PPP1R13B: variants seen among roughly 807,000 people sequenced by gnomAD.
The protein encoded by PPP1R13B is apoptosis-stimulating of p53 protein 1.
Under a neutral mutation model 119.8 loss-of-function variants are expected in PPP1R13B, and 44 were observed. The observed-to-expected ratio is 0.37, with a 90% CI of 0.29 to 0.47. The LOEUF is 0.47. Ranked by LOEUF, PPP1R13B falls within the 20% of genes least tolerant of loss-of-function variation. The pLI, the probability that PPP1R13B is intolerant of heterozygous loss-of-function variation, is 0.99. For synonymous variants in PPP1R13B, 542 were observed against 561.5 expected, an observed-to-expected ratio of 0.97 and a Z score of 0.49; for missense variants, 1,227 against 1,413.5, an observed-to-expected ratio of 0.87 and a Z score of 2.12.
intron 4 of PPP1R13B, among the ~76,000 whole-genome samples, chr14:103,775,238 ATTCT>A (rs909049400): frequency 2.6e-5 from 4 of 151,580 alleles, no homozygotes; most frequent in African/African-American, 9.7e-5. Flanking sequence ...GGTCATGGTA[ATTCT>A]TTCTTCCTTT....
At chr14:103,748,066 TACACACACACAC>T (rs58398068) in intron 8 of PPP1R13B, among the ~76,000 whole-genome samples, 5,318 of 138,206 alleles carry the variant, frequency 0.038, 197 homozygotes, top group African/African-American at 0.098. Context: ...TTAAATCACA[TACACACACACAC>T]ACACACACAC....
At position 103,738,569 on chromosome 14, in the gene PPP1R13B, C is replaced by T. The variant is rs2084170213; in HGVS notation, c.2864+110G>A. 6.7e-7 allele frequency: 1 copy of T among 1,494,774 alleles called. No individual in the cohort carries two copies. Among genetic ancestry groups the T allele is most frequent in the African/African-American group, 1.4e-5 (1 of 72,244 alleles). 92.6% of individuals were successfully genotyped at this position (1,494,774 alleles called of 1,614,324 possible). A position where few individuals can be genotyped will look rare whatever the true frequency, so the allele number is the denominator to read the frequency against. On this transcript the variant is annotated intron_variant, in intron 14 of 16. Transcript: ENST00000202556. This position sits in a 1 kb window ranked among gnomAD's most constrained non-coding sequence, Gnocchi z 5.6. ...TTTCAAGGATGAAATGATGGGTGTT[C>T]TTGCTCTAATTCTCTCTTCCGTGCT... is the stretch of plus-strand genomic sequence containing the variant.
chr14:103,797,001 C>A, intron 2 of PPP1R13B, among the ~76,000 whole-genome samples: 2 of 138,798 alleles, frequency 1.4e-5, no homozygotes, highest in East Asian at 2.2e-4. Context: ...CATGAAAGTT[C>A]ATAGGAGCAT....
intron 2 of PPP1R13B, among the ~76,000 whole-genome samples, chr14:103,793,235 A>G (rs1298723396): frequency 1.3e-5 from 2 of 152,068 alleles, no homozygotes; most frequent in Non-Finnish European, 1.5e-5. Context: ...AGGAAAAAAC[A>G]CTACTGATCT....
At chr14:103,800,660 C>CA (rs61170869) in intron 1 of PPP1R13B, among the ~76,000 whole-genome samples, 43,755 of 150,144 alleles carry the variant, frequency 0.29, 6,816 homozygotes, top group Non-Finnish European at 0.34. Flanking sequence ...CTCAAAAAAA[C>CA]AAAAAAAACA....
chr14:103,800,527 G>A (rs889687735), intron 1 of PPP1R13B, among the ~76,000 whole-genome samples: 10 of 151,154 alleles, frequency 6.6e-5, no homozygotes, highest in Non-Finnish European at 1.0e-4. Context: ...GGTGGCCCGC[G>A]CCTCTAGTCC....
At chr14:103,800,707 C>T (rs1457443358) in intron 1 of PPP1R13B, among the ~76,000 whole-genome samples, 1 of 151,850 alleles carries the variant, frequency 6.6e-6, no homozygotes, top group Non-Finnish European at 1.5e-5. Context: ...CTTACAAGTG[C>T]CCTAAATTCC....
intron 1 of PPP1R13B, among the ~76,000 whole-genome samples, chr14:103,839,464 C>T (rs928428208): frequency 6.6e-6 from 1 of 151,856 alleles, no homozygotes; most frequent in Non-Finnish European, 1.5e-5. Flanking sequence ...CCCATCTCCA[C>T]TAAAAATACA....
intron 4 of PPP1R13B, among the ~76,000 whole-genome samples, chr14:103,775,565 G>A (rs560064408): frequency 7.2e-5 from 11 of 152,130 alleles, no homozygotes; most frequent in African/African-American, 1.9e-4. Flanking sequence ...GCTAGCCACC[G>A]CGCCCGTCCC....
intron 4 of PPP1R13B, among the ~76,000 whole-genome samples, chr14:103,758,302 T>C (rs2084725228): frequency 6.6e-6 from 1 of 152,234 alleles, no homozygotes; most frequent in African/African-American, 2.4e-5. Flanking sequence ...ATGAATGCAG[T>C]TGGCTGTTTC....
At position 103,773,865 on chromosome 14, in the gene PPP1R13B, T is replaced by C. The variant is rs2152008206; in HGVS notation, c.354+4880A>G. The stretch of plus-strand genomic sequence containing the variant: ...CCTCTCCTGGCATAAGTCTAAAAGT[T>C]TTTCTCTAGACAGTTGAAATGTTAT... On this transcript the variant is annotated intron_variant, in intron 4 of 16. Coordinates refer to ENST00000202556, the MANE Select transcript of PPP1R13B (RefSeq NM_015316.3). Among the ~76,000 whole-genome samples, 3 of 152,296 alleles carry C rather than the reference T, an allele frequency of 2.0e-5. No homozygotes were observed. In the East Asian group the frequency reaches 5.8e-4, roughly 29 times the overall value.
intron 8 of PPP1R13B, chr14:103,747,130 CTG>C (rs1319709542): frequency 6.6e-6 from 1 of 152,360 alleles, no homozygotes; most frequent in Non-Finnish European, 1.5e-5. Flanking sequence ...ACAGAGGACA[CTG>C]TTCACATAAC....
At chr14:103,827,042 A>G (rs967203508) in intron 1 of PPP1R13B, among the ~76,000 whole-genome samples, 5 of 149,960 alleles carry the variant, frequency 3.3e-5, no homozygotes, top group Non-Finnish European at 7.4e-5. Flanking sequence ...AAGTAGATTA[A>G]GGCTGGGCAC....
rs1195285562 is a variant in PPP1R13B, at chr14:103,738,212, A to G, written c.2865-352T>C. Among the ~76,000 whole-genome samples, 1 of 152,226 alleles carries G rather than the reference A, an allele frequency of 6.6e-6. No homozygotes were observed. Among genetic ancestry groups the G allele is most frequent in the Non-Finnish European group, 1.5e-5 (1 of 68,042 alleles). On this transcript the variant is annotated intron_variant, in intron 14 of 16. Transcript: ENST00000202556. The surrounding 1 kb of genome is among the most constrained non-coding windows in gnomAD (Gnocchi z 5.6). ...TTTACCACGATTCAAATGCAGCACAATGTCAGCTGTCTGAAAGTTCAAAAT... is the reference window on the plus strand; with the variant it reads ...TTTACCACGATTCAAATGCAGCACAGTGTCAGCTGTCTGAAAGTTCAAAAT...
intron 1 of PPP1R13B, among the ~76,000 whole-genome samples, chr14:103,814,721 G>A (rs1489811908): frequency 2.0e-5 from 3 of 152,114 alleles, no homozygotes; most frequent in African/African-American, 4.8e-5. Flanking sequence ...CAAGGTGGGC[G>A]GATCACGAGG....
intron 1 of PPP1R13B, among the ~76,000 whole-genome samples, chr14:103,817,964 G>T (rs1225199572): frequency 6.6e-6 from 1 of 150,674 alleles, no homozygotes; most frequent in Non-Finnish European, 1.5e-5. Flanking sequence ...TGAAACTACA[G>T]GAAATAATCT....
intron 8 of PPP1R13B, among the ~76,000 whole-genome samples, chr14:103,749,103 C>T (rs8021384): frequency 0.035 from 5,335 of 152,202 alleles, 265 homozygotes; most frequent in African/African-American, 0.11. Context: ...TGATTGTGGA[C>T]GCTGGCAAGT....
At chr14:103,813,608 C>T (rs2086210083) in intron 1 of PPP1R13B, among the ~76,000 whole-genome samples, 1 of 152,174 alleles carries the variant, frequency 6.6e-6, no homozygotes, top group Non-Finnish European at 1.5e-5. Flanking sequence ...ATTGTAAGTT[C>T]CTGAGGTCTC....
At chr14:103,794,818 G>T (rs191796118) in intron 2 of PPP1R13B, among the ~76,000 whole-genome samples, 1 of 152,276 alleles carries the variant, frequency 6.6e-6, no homozygotes, top group Admixed American at 6.5e-5. Flanking sequence ...TTACTAATCT[G>T]TGTTTACTAA....
Sources: gnomAD v4.1 joint callset for allele counts (sites outside exome capture counted in the v4.1 genomes callset) on GRCh38, gnomAD v4.1.1 for gene constraint, Gnocchi (gnomAD v3.1) non-coding constraint, MANE v1.5 for transcripts, NCBI Gene and HGNC (gene_info 2026-07-23, HGNC 2026-07-21) for gene names.